Variants in ASAP2 observed in about 807,000 individuals in gnomAD.
The protein encoded by ASAP2 is ArfGAP with SH3 domain, ankyrin repeat and PH domain 2.
ASAP2 carries 45 observed loss-of-function variants against 131.4 expected under a neutral mutation model. The ratio of observed to expected loss-of-function variants is 0.34; its 90% CI spans 0.27 to 0.44. The LOEUF (loss-of-function observed/expected upper bound fraction) is 0.44, where lower values mean the gene tolerates loss of function less well. ASAP2 is among the 20% of genes least tolerant of loss of function. ASAP2 has a pLI of 1.00. For synonymous variants in ASAP2, 510 were observed against 503.0 expected (o/e 1.01, Z -0.19); for missense variants, 1,011 against 1,297.0 (o/e 0.78, Z 3.39).
chr2:9,376,431 G>A (rs897506734), intron 17 of ASAP2, among the ~76,000 whole-genome samples: 6 of 152,266 alleles, frequency 3.9e-5, no homozygotes, highest in African/African-American at 7.2e-5. Flanking sequence ...AGTATGAGTT[G>A]GAGACAGTGC....
Position 9,207,999 on chromosome 2 carries a change from A to C in ASAP2, c.126+769A>C, listed in dbSNP as rs976598821. ...ACGCTCTCCAGGTCCTGGGGAGAGGAACACGTAGGAACGAAGAAGCTTGGT... is the reference window on the plus strand; with the variant it reads ...ACGCTCTCCAGGTCCTGGGGAGAGGCACACGTAGGAACGAAGAAGCTTGGT... On this transcript the variant is annotated intron_variant, in intron 1 of 27. Coordinates refer to ENST00000281419, the MANE Select transcript of ASAP2 (RefSeq NM_003887.3). This position sits in a 1 kb window ranked among gnomAD's most constrained non-coding sequence, Gnocchi z 4.1. Among the ~76,000 whole-genome samples the C allele has an allele frequency of 6.6e-6, 1 of 152,180 alleles. No individual in the cohort carries two copies. Among genetic ancestry groups the C allele is most frequent in the Non-Finnish European group, 1.5e-5 (1 of 68,020 alleles).
At chr2:9,314,331 A>G (rs188064091) in intron 3 of ASAP2, among the ~76,000 whole-genome samples, 1 of 152,364 alleles carries the variant, frequency 6.6e-6, no homozygotes, top group Non-Finnish European at 1.5e-5. Context: ...TAGGTGCTCA[A>G]TAAATCACTT....
chr2:9,331,791 G>C (rs1050461644), intron 7 of ASAP2, among the ~76,000 whole-genome samples: 4 of 151,978 alleles, frequency 2.6e-5, no homozygotes, highest in African/African-American at 7.2e-5. Flanking sequence ...ACCATGGTTT[G>C]AAAGGTGGTG....
intron 7 of ASAP2, 23 bp downstream of exon 7, chr2:9,327,934 A>T (rs1418414209): frequency 6.5e-7 from 1 of 1,529,950 alleles, no homozygotes; most frequent in African/African-American, 1.4e-5. Flanking sequence ...CTGTTATGTT[A>T]TCTTAAATGT....
At chr2:9,340,968 C>T (rs1408882063) in intron 9 of ASAP2, among the ~76,000 whole-genome samples, 1 of 152,184 alleles carries the variant, frequency 6.6e-6, no homozygotes, top group Non-Finnish European at 1.5e-5. Context: ...TGCCCACCTA[C>T]CCTGCATACT....
chr2:9,297,886 T>G (rs546378757), intron 3 of ASAP2, among the ~76,000 whole-genome samples: 62 of 151,736 alleles, frequency 4.1e-4, no homozygotes, highest in African/African-American at 1.3e-3. Context: ...TTAAAGGCCT[T>G]TTGTGCTCCC....
chr2:9,397,747 TA>T (rs1441334705), intron 24 of ASAP2, among the ~76,000 whole-genome samples: 2,963 of 82,166 alleles, frequency 0.036, 65 homozygotes, highest in Non-Finnish European at 0.048. Flanking sequence ...TATATATATA[TA>T]TATTTTTTTT....
intron 3 of ASAP2, among the ~76,000 whole-genome samples, chr2:9,317,523 C>CT: frequency 6.7e-6 from 1 of 148,342 alleles, no homozygotes; most frequent in South Asian, 2.1e-4. Context: ...AATCACACCC[C>CT]ACACTCAAAT....
Position 9,356,179 on chromosome 2 carries a change from AT to A in ASAP2, c.1162del (p.Trp388GlyfsTer13). 1 of 1,614,048 alleles carries A rather than the reference AT, an allele frequency of 6.2e-7. No individual in the cohort carries two copies. Among genetic ancestry groups the A allele is most frequent in the Non-Finnish European group, 8.5e-7 (1 of 1,179,922 alleles). ...CACAGCGTTGCTCTTGTTTTTCTAG[AT>A]GGATGTCTGTGCTGCAAAATAGCAA... ...QAEDEQECQI[W>X]MSVLQNSKEE... On this transcript the variant is annotated frameshift_variant and splice_region_variant, in exon 14 of 28. Coordinates refer to ENST00000281419, the MANE Select transcript of ASAP2 (RefSeq NM_003887.3). LOFTEE classifies it high-confidence loss of function.
intron 2 of ASAP2, among the ~76,000 whole-genome samples, chr2:9,288,237 C>T (rs1667590521): frequency 6.6e-6 from 1 of 152,218 alleles, no homozygotes; most frequent in Non-Finnish European, 1.5e-5. Context: ...AAATCTTCTA[C>T]CAAATCAACA....
chr2:9,255,915 G>A (rs2148167150), intron 1 of ASAP2, among the ~76,000 whole-genome samples: 1 of 152,278 alleles, frequency 6.6e-6, no homozygotes, highest in East Asian at 1.9e-4. Context: ...CGTATTGGTA[G>A]GTAGCATGCT....
chr2:9,349,236 A>G (rs16867001), intron 11 of ASAP2, among the ~76,000 whole-genome samples: 1,865 of 152,344 alleles, frequency 0.012, 37 homozygotes, highest in African/African-American at 0.043. Flanking sequence ...TTATCAAAGC[A>G]CACAAACCTT....
intron 4 of ASAP2, among the ~76,000 whole-genome samples, chr2:9,319,115 C>T (rs551789976): frequency 5.7e-4 from 87 of 152,068 alleles, no homozygotes; most frequent in African/African-American, 2.0e-3. Context: ...GGGCAGCAGA[C>T]GGGGCTGGAG....
intron 11 of ASAP2, among the ~76,000 whole-genome samples, chr2:9,350,272 G>T (rs1672245674): frequency 6.6e-6 from 1 of 152,160 alleles, no homozygotes; most frequent in Admixed American, 6.5e-5. Flanking sequence ...GACAGTGATG[G>T]TTGGCATTTA....
At chr2:9,356,458 G>A in intron 14 of ASAP2, 113 bp downstream of exon 14, 1 of 1,245,686 alleles carries the variant, frequency 8.0e-7, no homozygotes, top group Admixed American at 2.8e-5. Context: ...ATTAAGTGCA[G>A]CTCAGCCTGA....
intron 3 of ASAP2, among the ~76,000 whole-genome samples, chr2:9,313,183 C>T (rs1023877068): frequency 2.0e-5 from 3 of 152,208 alleles, no homozygotes; most frequent in South Asian, 2.1e-4. Context: ...GAAAGCAAGC[C>T]GACCAAGTGG....
intron 5 of ASAP2, 80 bp from the exon 6 acceptor site, chr2:9,323,041 G>C: frequency 1.3e-6 from 2 of 1,559,320 alleles, no homozygotes; most frequent in Non-Finnish European, 1.7e-6. Context: ...CGCCAGGCTG[G>C]GTACTGGGGT....
At chr2:9,276,999 G>T (rs986596579) in intron 1 of ASAP2, among the ~76,000 whole-genome samples, 6 of 152,186 alleles carry the variant, frequency 3.9e-5, no homozygotes, top group African/African-American at 1.2e-4. Flanking sequence ...AAAGAGGAGT[G>T]GCTTTTATTA....
At chr2:9,287,549 T>G (rs1022205583) in intron 2 of ASAP2, among the ~76,000 whole-genome samples, 17 of 152,166 alleles carry the variant, frequency 1.1e-4, no homozygotes, top group Non-Finnish European at 1.9e-4. Context: ...AAGGTAGACA[T>G]AGTATTTGTT....
Sources: gnomAD v4.1 joint callset for allele counts (sites outside exome capture counted in the v4.1 genomes callset) on GRCh38, gnomAD v4.1.1 for gene constraint, Gnocchi (gnomAD v3.1) non-coding constraint, MANE v1.5 for transcripts, NCBI Gene and HGNC (gene_info 2026-07-23, HGNC 2026-07-21) for gene names.